The following SOX6 variants were observed in gnomAD, a reference collection of about 807,000 sequenced individuals.
SOX6 encodes the protein SRY-box transcription factor 6, also known as transcription factor SOX-6.
Under a neutral mutation model 97.8 loss-of-function variants are expected in SOX6, and 11 were observed. The ratio of observed to expected loss-of-function variants is 0.11; its 90% CI spans 0.07 to 0.19. The LOEUF is 0.19. Among genes scored for constraint, SOX6 ranks in the 10% least tolerant of loss-of-function variants. SOX6 has a pLI of 1.00. For missense variants in SOX6, 810 were observed against 1,039.5 expected, an observed-to-expected ratio of 0.78 and a Z score of 3.04; for synonymous variants, 360 against 371.4, an observed-to-expected ratio of 0.97 and a Z score of 0.35.
rs116958609 is a variant in SOX6 at position 16,066,927 on chromosome 11, T to C, written c.1102-11026A>G. On this transcript the variant is annotated intron_variant, in intron 9 of 15. Coordinates refer to ENST00000683767, the MANE Select transcript of SOX6 (RefSeq NM_001367873.1). ...ATGTGGGACATGGAGTCAAAGAAGA[T>C]CATTTTGAAGCTTTAAGATTTGACT... 4.7e-4 allele frequency among the ~76,000 whole-genome samples: 71 copies of C among 152,270 alleles called. 2 individuals are homozygous for C. In the East Asian group the frequency reaches 0.013, roughly 29 times the overall value.
chr11:16,730,271 AC>A (rs2134059497), intron 2 of SOX6, among the ~76,000 whole-genome samples: 1 of 152,182 alleles, frequency 6.6e-6, no homozygotes, highest in Non-Finnish European at 1.5e-5. Context: ...AGAACTCTCC[AC>A]CCCAAATCAA....
At chr11:16,664,602 T>G (rs1425950621) in intron 3 of SOX6, among the ~76,000 whole-genome samples, 1 of 152,070 alleles carries the variant, frequency 6.6e-6, no homozygotes, top group African/African-American at 2.4e-5. Flanking sequence ...TAAATAAACT[T>G]GAAAGGCAGT....
chr11:16,437,392 A>G (rs1002797918), intron 1 of SOX6, among the ~76,000 whole-genome samples: 1 of 151,898 alleles, frequency 6.6e-6, no homozygotes, highest in East Asian at 1.9e-4. Context: ...CCCATACCCA[A>G]CCCCACTAGA....
intron 4 of SOX6, among the ~76,000 whole-genome samples, chr11:16,485,037 T>TTA (rs1038167471): frequency 6.6e-5 from 10 of 152,254 alleles, no homozygotes; most frequent in Non-Finnish European, 1.2e-4. Flanking sequence ...TAAGCCTACT[T>TTA]TAATAAATTA....
At chr11:16,603,962 C>T (rs1467063065) in intron 4 of SOX6, among the ~76,000 whole-genome samples, 1 of 152,254 alleles carries the variant, frequency 6.6e-6, no homozygotes, top group Non-Finnish European at 1.5e-5. Flanking sequence ...GTCGGCCAAG[C>T]CCGTGCCTGC....
Position 16,213,454 on chromosome 11 carries a change from G to C in SOX6, c.535+21128C>G, listed in dbSNP as rs139897530. ...CAAAATCTGTATTAAACACAATGAA[G>C]AATGCATACATAAAAACATGAGTAT... On this transcript the variant is annotated intron_variant, in intron 4 of 15. Coordinates refer to ENST00000683767, the MANE Select transcript of SOX6 (RefSeq NM_001367873.1). Among the ~76,000 whole-genome samples the C allele has an allele frequency of 3.6e-3, 541 of 151,998 alleles. 3 individuals carry two copies. Among genetic ancestry groups the C allele is most frequent in the African/African-American group, 0.012 (485 of 41,444 alleles).
intron 4 of SOX6, among the ~76,000 whole-genome samples, chr11:16,498,865 T>C (rs1433006628): frequency 2.0e-5 from 3 of 151,914 alleles, no homozygotes; most frequent in Admixed American, 1.3e-4. Flanking sequence ...TAATGGGAGA[T>C]TTTAACACCC....
intron 3 of SOX6, among the ~76,000 whole-genome samples, chr11:16,668,210 T>C (rs1847821371): frequency 6.6e-6 from 1 of 151,834 alleles, no homozygotes; most frequent in Non-Finnish European, 1.5e-5. Context: ...CCGTCTCCAC[T>C]AAAAAATACA....
At chr11:16,280,802 T>C (rs987044804) in intron 3 of SOX6, among the ~76,000 whole-genome samples, 2 of 152,142 alleles carry the variant, frequency 1.3e-5, no homozygotes, top group African/African-American at 4.8e-5. Flanking sequence ...TCATATTGTA[T>C]GGTTATATGT....
At chr11:16,577,554 T>C (rs1847994976) in intron 4 of SOX6, among the ~76,000 whole-genome samples, 1 of 152,234 alleles carries the variant, frequency 6.6e-6, no homozygotes. Context: ...AGGGTTCCAA[T>C]TTCCAATGAA....
intron 1 of SOX6, among the ~76,000 whole-genome samples, chr11:16,431,349 T>C (rs1337843226): frequency 2.0e-5 from 3 of 152,062 alleles, no homozygotes; most frequent in African/African-American, 7.2e-5. Context: ...ATCTCCCCAT[T>C]CTCTCAAACA....
At chr11:16,141,587 C>T (rs867984535) in intron 6 of SOX6, among the ~76,000 whole-genome samples, 1 of 152,140 alleles carries the variant, frequency 6.6e-6, no homozygotes, top group South Asian at 2.1e-4. Flanking sequence ...CCGAAAAGCG[C>T]AAGGGGTCAG....
intron 3 of SOX6, among the ~76,000 whole-genome samples, chr11:16,306,138 G>A (rs1413309889): frequency 1.3e-5 from 2 of 152,126 alleles, no homozygotes; most frequent in Admixed American, 6.6e-5. Flanking sequence ...GAGACAAGAG[G>A]AACATCAGTG....
At chr11:16,047,436 C>T (rs956778385) in intron 11 of SOX6, among the ~76,000 whole-genome samples, 7 of 151,910 alleles carry the variant, frequency 4.6e-5, no homozygotes, top group South Asian at 4.2e-4. Flanking sequence ...GACTGGTTTT[C>T]GCATAACTAC....
chr11:16,681,256 T>C (rs1590049817), intron 3 of SOX6, among the ~76,000 whole-genome samples: 2 of 152,264 alleles, frequency 1.3e-5, no homozygotes, highest in East Asian at 3.9e-4. Context: ...CACAACAAAC[T>C]GTCTCTCAGA....
chr11:16,079,597 A>T (rs1848430011), intron 9 of SOX6, among the ~76,000 whole-genome samples: 1 of 152,184 alleles, frequency 6.6e-6, no homozygotes, highest in Non-Finnish European at 1.5e-5. Context: ...TTTGTTATAA[A>T]TATCGAGACA....
At chr11:16,144,948 T>C (rs1232666886) in intron 6 of SOX6, among the ~76,000 whole-genome samples, 3 of 152,220 alleles carry the variant, frequency 2.0e-5, no homozygotes, top group African/African-American at 7.2e-5. Flanking sequence ...CCATTCCTTC[T>C]GAAATTATTC....
At chr11:16,036,447 A>C (rs926883747) in intron 12 of SOX6, among the ~76,000 whole-genome samples, 9 of 152,136 alleles carry the variant, frequency 5.9e-5, no homozygotes, top group African/African-American at 2.2e-4. Flanking sequence ...GAGAGTGTTG[A>C]ATATATGAAT....
chr11:16,526,026 A>C (rs1861157229), intron 4 of SOX6, among the ~76,000 whole-genome samples: 1 of 152,138 alleles, frequency 6.6e-6, no homozygotes, highest in African/African-American at 2.4e-5. Context: ...ACACTTTTAC[A>C]CTGTTGGTGG....
Sources: gnomAD v4.1 joint callset for allele counts (sites outside exome capture counted in the v4.1 genomes callset) on GRCh38, gnomAD v4.1.1 for gene constraint, MANE v1.5 for transcripts, NCBI Gene and HGNC (gene_info 2026-07-23, HGNC 2026-07-21) for gene names.